RASEF: variants seen among roughly 807,000 people sequenced by gnomAD.
RASEF encodes the protein ras and EF-hand domain-containing protein.
In RASEF, 68 loss-of-function variants were observed where a neutral mutation model predicts 90.1. That is an observed-to-expected ratio of 0.75 (90% CI 0.62 to 0.92). The LOEUF (loss-of-function observed/expected upper bound fraction) is 0.92. Ranked by LOEUF, RASEF falls within the 40% of genes least tolerant of loss-of-function variation. The probability of loss-of-function intolerance (pLI) is 0.00; values close to 1 mark genes in which losing one functional copy is unlikely to be tolerated. For synonymous variants in RASEF, 331 were observed against 345.2 expected, an observed-to-expected ratio of 0.96 and a Z score of 0.46; for missense variants, 949 against 937.2, an observed-to-expected ratio of 1.01 and a Z score of -0.16.
At chr9:83,043,714 A>AT (rs201506214) in intron 1 of RASEF, among the ~76,000 whole-genome samples, 2,117 of 151,386 alleles carry the variant, frequency 0.014, 39 homozygotes, top group African/African-American at 0.049. Flanking sequence ...TCAGTTCAGC[A>AT]TTTTTTTTTC....
At chr9:83,183,981 G>A in the RASEF span, among the ~76,000 whole-genome samples, 28 of 152,288 alleles carry the variant, frequency 1.8e-4, no homozygotes, top group South Asian at 5.6e-3. Context: ...TCAGGTCTGG[G>A]GTGGGGTGTA....
intron 9 of RASEF, among the ~76,000 whole-genome samples, chr9:83,002,494 T>C (rs1374417256): frequency 1.3e-5 from 2 of 150,856 alleles, no homozygotes; most frequent in African/African-American, 4.9e-5. Flanking sequence ...CAATAAAATA[T>C]ATTGTTAATA....
chr9:83,108,525 G>A, the RASEF span, among the ~76,000 whole-genome samples: 40 of 152,188 alleles, frequency 2.6e-4, no homozygotes, highest in Admixed American at 1.7e-3. Context: ...TTTTTTTGTG[G>A]GGGTTCATGG....
the RASEF span, among the ~76,000 whole-genome samples, chr9:83,156,014 CATAAG>C: frequency 7.2e-5 from 11 of 152,294 alleles, no homozygotes; most frequent in East Asian, 2.1e-3. Flanking sequence ...TGACTGAAAA[CATAAG>C]AATAATATCT....
At chr9:83,089,743 G>A in the RASEF span, among the ~76,000 whole-genome samples, 11 of 152,150 alleles carry the variant, frequency 7.2e-5, no homozygotes, top group Non-Finnish European at 1.2e-4. Context: ...ATTTCTCTAT[G>A]TGTGAATCTG....
chr9:83,043,231 A>G (rs2118648274), intron 1 of RASEF, among the ~76,000 whole-genome samples: 1 of 152,348 alleles, frequency 6.6e-6, no homozygotes, highest in East Asian at 1.9e-4. Flanking sequence ...CGGTATTTTC[A>G]CACTGTGGAA....
intron 1 of RASEF, among the ~76,000 whole-genome samples, chr9:83,037,425 C>CTTA (rs149332697): frequency 0.043 from 6,540 of 152,024 alleles, 423 homozygotes; most frequent in African/African-American, 0.15. Flanking sequence ...AACATACAAT[C>CTTA]TTATTACGAA....
chr9:83,131,579 G>T, the RASEF span, among the ~76,000 whole-genome samples: 1 of 152,150 alleles, frequency 6.6e-6, no homozygotes, highest in Non-Finnish European at 1.5e-5. Context: ...GATAAGGACT[G>T]ATCTCGCTCG....
rs1828665411 is a variant in RASEF, at chr9:82,983,938, C to T, written c.2118-1156G>A. ...ACTGCAAACATAGGAGATACTCATGCAAAAGCAGTCAAGAAACTTTCCGGC... is the reference window on the plus strand; with the variant it reads ...ACTGCAAACATAGGAGATACTCATGTAAAAGCAGTCAAGAAACTTTCCGGC... On this transcript the variant is annotated intron_variant, in intron 16 of 16. Transcript: ENST00000376447. Among the ~76,000 whole-genome samples the T allele has an allele frequency of 7.2e-5, 11 of 152,152 alleles. 1 individual carries two copies. The South Asian group carries it at 2.1e-3, about 29-fold the overall frequency.
chr9:83,144,327 GA>G, the RASEF span, among the ~76,000 whole-genome samples: 2 of 34,292 alleles, frequency 5.8e-5, no homozygotes, highest in African/African-American at 1.2e-4. Context: ...AAGAAAGAAG[GA>G]AAGAAAGAAA....
chr9:83,038,951 A>C (rs909262353), intron 1 of RASEF, among the ~76,000 whole-genome samples: 1 of 152,204 alleles, frequency 6.6e-6, no homozygotes, highest in Admixed American at 6.5e-5. Context: ...CAAAATATGT[A>C]ACTTTTCAAC....
chr9:83,062,842 T>C lies in RASEF; in HGVS notation c.26A>G (p.Glu9Gly). The C allele has an allele frequency of 6.5e-7, 1 of 1,537,878 alleles. No individual in the cohort carries two copies. The highest frequency in any genetic ancestry group is 1.2e-5 in the South Asian group (1 of 83,348). Residue 9 changes from glutamate (E) to glycine (G), a missense_variant, in exon 1 of 17, where the codon GAG (glutamate) becomes GGG (glycine). By Grantham distance (98) the Glu-to-Gly change is moderately conservative. Around this residue, in one of 3 missense-constraint regions of RASEF, gnomAD observed 656 missense variants for 592.2 expected, o/e 1.11. Transcript: ENST00000376447. MEADGDGE[E>G]LARLRSVFAA... is the part of the protein sequence containing the mutation. ...GAAGACTGAGCGCAGCCGGGCCAGC[T>C]CCTCTCCGTCCCCATCCGCCTCCAT...
the RASEF span, among the ~76,000 whole-genome samples, chr9:83,214,470 G>A: frequency 6.6e-6 from 1 of 152,042 alleles, no homozygotes; most frequent in African/African-American, 2.4e-5. Flanking sequence ...ACAATTTTGG[G>A]TTTAAATCCC....
At chr9:83,091,633 C>G in the RASEF span, among the ~76,000 whole-genome samples, 1 of 152,128 alleles carries the variant, frequency 6.6e-6, no homozygotes, top group South Asian at 2.1e-4. Context: ...TTCTTTTGAG[C>G]TTTTTGGTCA....
At chr9:83,017,321 TAA>T (rs1174147161) in intron 3 of RASEF, among the ~76,000 whole-genome samples, 25 of 128,198 alleles carry the variant, frequency 2.0e-4, no homozygotes, top group African/African-American at 2.9e-4. Context: ...TCGTCTCTAC[TAA>T]AAAAAAAAAA....
At chr9:83,150,691 CAT>C in the RASEF span, among the ~76,000 whole-genome samples, 6 of 152,106 alleles carry the variant, frequency 3.9e-5, no homozygotes, top group African/African-American at 2.4e-5. Context: ...TATTAAACCT[CAT>C]AGTTTCACCA....
At chr9:83,137,883 A>C in the RASEF span, among the ~76,000 whole-genome samples, 1 of 152,044 alleles carries the variant, frequency 6.6e-6, no homozygotes, top group African/African-American at 2.4e-5. Context: ...TTAAGCTCTC[A>C]ACAAATTATG....
chr9:83,007,558 C>T, intron 6 of RASEF, 53 bp from the exon 7 acceptor site: 2 of 1,252,828 alleles, frequency 1.6e-6, no homozygotes, highest in Non-Finnish European at 2.3e-6. Flanking sequence ...AGTCCTGCCT[C>T]ACGTATACCT....
At chr9:83,057,400 G>A (rs1830121006) in intron 1 of RASEF, among the ~76,000 whole-genome samples, 1 of 152,106 alleles carries the variant, frequency 6.6e-6, no homozygotes, top group African/African-American at 2.4e-5. Flanking sequence ...CCAATAATGA[G>A]CTGTAGTTAT....
Sources: gnomAD v4.1 joint callset for allele counts (sites outside exome capture counted in the v4.1 genomes callset) on GRCh38, gnomAD v4.1.1 for gene constraint, gnomAD v4.1.1 regional missense constraint, MANE v1.5 for transcripts, NCBI Gene and HGNC (gene_info 2026-07-23, HGNC 2026-07-21) for gene names.